PPP2R2C: variants seen among roughly 807,000 people sequenced by gnomAD.
The protein encoded by PPP2R2C is protein phosphatase 2 regulatory subunit Bgamma.
A neutral mutation model predicts 45.3 loss-of-function variants in PPP2R2C; 10 were observed. The observed-to-expected ratio is 0.22, with a 90% CI of 0.14 to 0.37. The LOEUF (loss-of-function observed/expected upper bound fraction) is 0.37, where lower values mean the gene tolerates loss of function less well. Among genes scored for constraint, PPP2R2C ranks in the 10% least tolerant of loss-of-function variants. The pLI, the probability that PPP2R2C is intolerant of heterozygous loss-of-function variation, is 1.00. For synonymous variants in PPP2R2C, 257 were observed against 245.4 expected, an observed-to-expected ratio of 1.05 and a Z score of -0.44; for missense variants, 308 against 619.7, an observed-to-expected ratio of 0.50 and a Z score of 5.34.
chr4:6,338,957 C>T (rs569869567), intron 6 of PPP2R2C, among the ~76,000 whole-genome samples: 4 of 152,326 alleles, frequency 2.6e-5, no homozygotes, highest in East Asian at 3.9e-4. Flanking sequence ...TGCCTGGAGG[C>T]GATGGCCCAG....
Position 6,508,234 on chromosome 4 carries a change from T to G in PPP2R2C, c.49+27037A>C, listed in dbSNP as rs146384269. On this transcript the variant is annotated intron_variant, in intron 2 of 9. Transcript: ENST00000506140. ...GGTCAGGCGGTTATTAAACGGTCTC[T>G]CTAAAATAATAATTGGTTACAGCTG... Among the ~76,000 whole-genome samples the G allele has an allele frequency of 6.2e-3, 938 of 152,310 alleles. 9 individuals carry two copies. Among genetic ancestry groups the G allele is most frequent in the African/African-American group, 0.021 (892 of 41,562 alleles).
chr4:6,356,559 C>T (rs945283449), intron 5 of PPP2R2C, among the ~76,000 whole-genome samples: 3 of 152,242 alleles, frequency 2.0e-5, no homozygotes, highest in African/African-American at 7.2e-5. Flanking sequence ...GTTTCTGAAC[C>T]TCTCTGTGCC....
In PPP2R2C at chr4:6,331,988, G is replaced by T. The variant is rs1036096470; in HGVS notation, c.960+1574C>A. Among the ~76,000 whole-genome samples, 1 of 152,216 alleles carries T rather than the reference G, an allele frequency of 6.6e-6. No homozygotes were observed. Among genetic ancestry groups the T allele is most frequent in the Non-Finnish European group, 1.5e-5 (1 of 68,048 alleles). On this transcript the variant is annotated intron_variant, in intron 7 of 8. Coordinates refer to ENST00000382599, the MANE Select transcript of PPP2R2C (RefSeq NM_020416.4). This position sits in a 1 kb window ranked among gnomAD's most constrained non-coding sequence, Gnocchi z 5.9. ...CTATTATTTTAGCATCAATAGGTCA[G>T]CTGGGCCAGATGCCAAGTGCCCAGC...
intron 1 of PPP2R2C, among the ~76,000 whole-genome samples, chr4:6,391,651 G>A (rs1716651951): frequency 6.6e-6 from 1 of 152,238 alleles, no homozygotes; most frequent in Admixed American, 6.5e-5. Flanking sequence ...CTCCAAGTGT[G>A]GTCCCAAGAC....
rs141152189 is a variant in PPP2R2C, at chr4:6,396,862, T to A, written c.71-15768A>T. Among the ~76,000 whole-genome samples, 625 of 152,356 alleles carry A rather than the reference T, an allele frequency of 4.1e-3. 5 individuals carry two copies. Among genetic ancestry groups the A allele is most frequent in the African/African-American group, 0.014 (588 of 41,584 alleles). ...CTCAAGCCAGGGCTGATTTCCATGC[T>A]ACCCACAGTTTAACAACTGGCTCAA... On this transcript the variant is annotated intron_variant, in intron 1 of 8. Transcript: ENST00000382599.
rs1399936210 is a variant in PPP2R2C, at chr4:6,345,861, C to T, written c.790+1985G>A. Among the ~76,000 whole-genome samples, 1 of 152,160 alleles carries T rather than the reference C, an allele frequency of 6.6e-6. No homozygotes were observed. Among genetic ancestry groups the T allele is most frequent in the African/African-American group, 2.4e-5 (1 of 41,430 alleles). On this transcript the variant is annotated intron_variant, in intron 6 of 8. Transcript: ENST00000382599. This position sits in a 1 kb window ranked among gnomAD's most constrained non-coding sequence, Gnocchi z 5.3. ...TCTCCAGCCTCCCATCAGTCCACGGCCACTAACTCCACACTTATCTCCAGG... is the reference window on the plus strand; with the variant it reads ...TCTCCAGCCTCCCATCAGTCCACGGTCACTAACTCCACACTTATCTCCAGG...
At chr4:6,479,067 G>T (rs573995855) in intron 2 of PPP2R2C, among the ~76,000 whole-genome samples, 1 of 152,174 alleles carries the variant, frequency 6.6e-6, no homozygotes, top group Non-Finnish European at 1.5e-5. Flanking sequence ...CTGCTAATAC[G>T]TTGCACTATA....
At chr4:6,409,529 C>T (rs1718011997) in intron 1 of PPP2R2C, among the ~76,000 whole-genome samples, 1 of 152,182 alleles carries the variant, frequency 6.6e-6, no homozygotes, top group Non-Finnish European at 1.5e-5. Flanking sequence ...CCAGAGCAGC[C>T]AGCCCATGAG....
chr4:6,386,697 A>C (rs1247227962), intron 1 of PPP2R2C, among the ~76,000 whole-genome samples: 1 of 152,240 alleles, frequency 6.6e-6, no homozygotes. Flanking sequence ...AATTATATGA[A>C]GATATACAAA....
At chr4:6,511,835 TGA>T (rs1452526791) in intron 2 of PPP2R2C, among the ~76,000 whole-genome samples, 1 of 87,396 alleles carries the variant, frequency 1.1e-5, no homozygotes, top group Admixed American at 1.2e-4. Flanking sequence ...GTGGTGGTGG[TGA>T]TGGTGGTGGT....
At chr4:6,444,810 G>A (rs1720333715) in intron 1 of PPP2R2C, among the ~76,000 whole-genome samples, 1 of 152,220 alleles carries the variant, frequency 6.6e-6, no homozygotes, top group Non-Finnish European at 1.5e-5. Flanking sequence ...ATAGATCAGA[G>A]ACATGTCCAC....
intron 2 of PPP2R2C, among the ~76,000 whole-genome samples, chr4:6,511,873 G>A (rs910827900): frequency 2.3e-4 from 9 of 39,838 alleles, no homozygotes; most frequent in African/African-American, 4.3e-4. Flanking sequence ...GATGGTGGTG[G>A]TGGTGGTGGT....
At chr4:6,508,401 A>G (rs1330935107) in intron 2 of PPP2R2C, among the ~76,000 whole-genome samples, 1 of 152,160 alleles carries the variant, frequency 6.6e-6, no homozygotes, top group Non-Finnish European at 1.5e-5. Flanking sequence ...ACTGGCCAAC[A>G]TGGTGAAACC....
In PPP2R2C at chr4:6,345,312, T is replaced by TG. The variant is rs1279804942; in HGVS notation, c.790+2533dup. On this transcript the variant is annotated intron_variant, in intron 6 of 8. Transcript: ENST00000382599. The surrounding 1 kb of genome is among the most constrained non-coding windows in gnomAD (Gnocchi z 5.3). ...TGAGTGAATGGGCGGGAGGCGTAGG[T>TG]GGGGGGGCAGTGTCCTGTAGTAGGC... Among the ~76,000 whole-genome samples the TG allele has an allele frequency of 5.3e-5, 8 of 151,844 alleles. No homozygotes were observed. The highest frequency in any genetic ancestry group is 1.3e-4 in the Admixed American group (2 of 15,234).
At position 6,449,940 on chromosome 4, in the gene PPP2R2C, G is replaced by A. The variant is rs1012057746; in HGVS notation, c.70+22220C>T. 5.9e-5 allele frequency among the ~76,000 whole-genome samples: 9 copies of A among 152,302 alleles called. No homozygotes were observed. In the East Asian group the frequency reaches 9.6e-4, roughly 16 times the overall value. On this transcript the variant is annotated intron_variant, in intron 1 of 8. Transcript: ENST00000382599. ...ACCCCAATCTGCTGGCAGAGGCTTCGGCGCCACCTCCTCTCCAGGCTTCCC... is the reference window on the plus strand; with the variant it reads ...ACCCCAATCTGCTGGCAGAGGCTTCAGCGCCACCTCCTCTCCAGGCTTCCC...
intron 5 of PPP2R2C, among the ~76,000 whole-genome samples, chr4:6,359,045 T>A (rs184629196): frequency 7.2e-5 from 11 of 152,318 alleles, no homozygotes; most frequent in African/African-American, 2.2e-4. Context: ...CACATGCACA[T>A]GTATGTTTAT....
At chr4:6,382,675 T>TCTCTCTCACACA in intron 1 of PPP2R2C, 1 of 105,270 alleles carries the variant, frequency 9.5e-6, no homozygotes, top group Admixed American at 1.2e-4. Context: ...TCTCTCTCTC[T>TCTCTCTCACACA]CACACACACA....
chr4:6,505,447 T>C (rs756490483), intron 2 of PPP2R2C, among the ~76,000 whole-genome samples: 1 of 152,194 alleles, frequency 6.6e-6, no homozygotes, highest in Non-Finnish European at 1.5e-5. Flanking sequence ...GTGAGGTTTA[T>C]AGTATATATC....
Position 6,331,142 on chromosome 4 carries a change from T to C in PPP2R2C, c.961-1789A>G, listed in dbSNP as rs753090379. 1.3e-5 allele frequency among the ~76,000 whole-genome samples: 2 copies of C among 152,204 alleles called. No homozygotes were observed. The highest frequency in any genetic ancestry group is 2.9e-5 in the Non-Finnish European group (2 of 68,038). ...GGCTCTGCATTTTTGTGTGTCCTCC[T>C]TACTCAGCTCCCAGCAGCCTTGGTG... is the stretch of plus-strand genomic sequence containing the variant. On this transcript the variant is annotated intron_variant, in intron 7 of 8. Coordinates refer to ENST00000382599, the MANE Select transcript of PPP2R2C (RefSeq NM_020416.4). The surrounding 1 kb of genome is among the most constrained non-coding windows in gnomAD (Gnocchi z 5.9).
Sources: allele counts gnomAD v4.1 joint callset (sites outside exome capture counted in the v4.1 genomes callset), GRCh38; gene constraint gnomAD v4.1.1; non-coding constraint Gnocchi (gnomAD v3.1); transcripts MANE v1.5; gene names NCBI Gene and HGNC (gene_info 2026-07-23, HGNC 2026-07-21).